MEGF11: variants seen among roughly 807,000 people sequenced by gnomAD.
MEGF11 encodes the protein multiple epidermal growth factor-like domains protein 11.
A neutral mutation model predicts 146.6 loss-of-function variants in MEGF11; 126 were observed. The ratio of observed to expected loss-of-function variants is 0.86; its 90% CI spans 0.74 to 1.00. The LOEUF (loss-of-function observed/expected upper bound fraction) is 1.00. MEGF11 is among the 50% of genes least tolerant of loss of function. The pLI, the probability that MEGF11 is intolerant of heterozygous loss-of-function variation, is 0.00. For synonymous variants in MEGF11, 532 were observed against 583.4 expected (o/e 0.91, Z 1.27); for missense variants, 1,509 against 1,521.2 (o/e 0.99, Z 0.13).
rs1567261088 is a variant in MEGF11 at position 66,141,236 on chromosome 15, GTGTGTGTGT to G, written c.-8-12834_-8-12826del. On this transcript the variant is annotated intron_variant, in intron 1 of 25. Transcript: ENST00000395614. ...GTCTCTGTCCTGCAGACTCAGGGGT[GTGTGTGTGT>G]GTGTGTGTGTGTGTGTGTGTGTGTG... Among the ~76,000 whole-genome samples the G allele has an allele frequency of 3.0e-3, 176 of 58,312 alleles. 7 individuals carry two copies. Among genetic ancestry groups the G allele is most frequent in the Middle Eastern group, 7.2e-3 (1 of 138 alleles). 38.3% of individuals were successfully genotyped at this position (58,312 alleles called of 152,430 possible).
At chr15:66,220,789 G>A (rs536632485) in intron 1 of MEGF11, among the ~76,000 whole-genome samples, 6 of 151,958 alleles carry the variant, frequency 3.9e-5, no homozygotes, top group South Asian at 4.2e-4. Flanking sequence ...CTCCTGCTTC[G>A]GCCTCCCAAA....
intron 4 of MEGF11, among the ~76,000 whole-genome samples, chr15:66,113,834 T>C (rs1203413450): frequency 1.3e-5 from 2 of 151,910 alleles, no homozygotes; most frequent in Non-Finnish European, 2.9e-5. Flanking sequence ...TGAGCCGAGA[T>C]TGCACCACTG....
chr15:66,092,472 G>C (rs545085512), intron 5 of MEGF11, among the ~76,000 whole-genome samples: 2 of 152,302 alleles, frequency 1.3e-5, no homozygotes, highest in African/African-American at 4.8e-5. Context: ...TTAGCACCAA[G>C]TCTGGTGACT....
intron 1 of MEGF11, among the ~76,000 whole-genome samples, chr15:66,194,771 C>T (rs896360046): frequency 2.0e-5 from 3 of 152,106 alleles, no homozygotes; most frequent in Non-Finnish European, 4.4e-5. Context: ...CACTAAAGAA[C>T]TTATCCATGT....
chr15:66,073,992 T>G (rs2085474544), intron 5 of MEGF11, among the ~76,000 whole-genome samples: 1 of 152,228 alleles, frequency 6.6e-6, no homozygotes, highest in African/African-American at 2.4e-5. Flanking sequence ...TTAAATAAAA[T>G]TAAAACAACC....
At chr15:65,915,334 C>G (rs1251983451) in intron 19 of MEGF11, 136 bp downstream of exon 19, 38 of 1,202,532 alleles carry the variant, frequency 3.2e-5, no homozygotes, top group Non-Finnish European at 4.3e-5. Flanking sequence ...CCTCTGCAGC[C>G]CACCCTATTC....
chr15:66,000,540 A>AAC (rs897536669), intron 5 of MEGF11, among the ~76,000 whole-genome samples: 2 of 151,874 alleles, frequency 1.3e-5, no homozygotes, highest in African/African-American at 4.8e-5. Flanking sequence ...CTTTGAAAAA[A>AAC]AAAAAGCAAA....
intron 8 of MEGF11, among the ~76,000 whole-genome samples, chr15:65,969,230 G>A (rs577441488): frequency 2.0e-4 from 30 of 152,324 alleles, no homozygotes; most frequent in Admixed American, 3.9e-4. Context: ...CCCTGGGCCT[G>A]CTCATTTCCA....
chr15:66,117,207 A>G (rs999493912), intron 4 of MEGF11, among the ~76,000 whole-genome samples: 2 of 152,186 alleles, frequency 1.3e-5, no homozygotes, highest in East Asian at 3.9e-4. Context: ...GATCAAACCC[A>G]GACCCCTGTG....
chr15:66,207,494 T>C (rs562803567), intron 1 of MEGF11, among the ~76,000 whole-genome samples: 168 of 152,244 alleles, frequency 1.1e-3, no homozygotes, highest in African/African-American at 3.9e-3. Context: ...ACATTCTGGA[T>C]AAACAAAAAC....
At chr15:66,047,346 T>C (rs1450504385) in intron 5 of MEGF11, among the ~76,000 whole-genome samples, 3 of 152,170 alleles carry the variant, frequency 2.0e-5, no homozygotes, top group Non-Finnish European at 4.4e-5. Flanking sequence ...TTACTGAACA[T>C]CTCTAAGCCT....
At position 65,917,991 on chromosome 15, in the gene MEGF11, T is replaced by G; in HGVS notation, c.2061A>C (p.Gly687=). The change falls in exon 16 of 26, where the codon GGA becomes GGC. Residue 687 remains glycine (G), a synonymous_variant. Coordinates refer to ENST00000395614, the MANE Select transcript of MEGF11 (RefSeq NM_001385028.1). ...PIDGSCQCFP[G]WIGKDCSQAC... ...CCTGTGAGCAGTCCTTGCCAATCCA[T>G]CCAGGAAAGCACTGGCAGGAGCCAT... The G allele has an allele frequency of 6.2e-7, 1 of 1,613,996 alleles. No individual in the cohort carries two copies. The highest frequency in any genetic ancestry group is 8.5e-7 in the Non-Finnish European group (1 of 1,179,888).
At chr15:66,146,718 C>T (rs952041474) in intron 1 of MEGF11, among the ~76,000 whole-genome samples, 3 of 152,244 alleles carry the variant, frequency 2.0e-5, no homozygotes, top group African/African-American at 7.2e-5. Context: ...CTGTGGACAG[C>T]GGCCTGTGCG....
chr15:66,253,297 G>T (rs1056884399), intron 1 of MEGF11, among the ~76,000 whole-genome samples: 2 of 152,188 alleles, frequency 1.3e-5, no homozygotes, highest in African/African-American at 4.8e-5. Context: ...TCCCCCGCAC[G>T]TGGAGGCGCC....
chr15:66,012,398 G>A (rs916766447), intron 5 of MEGF11, among the ~76,000 whole-genome samples: 12 of 152,158 alleles, frequency 7.9e-5, no homozygotes, highest in African/African-American at 2.9e-4. Flanking sequence ...CTTGTGGTGT[G>A]GGGGAGTCTG....
intron 2 of MEGF11, among the ~76,000 whole-genome samples, chr15:66,125,648 A>G (rs1195216605): frequency 6.6e-6 from 1 of 152,248 alleles, no homozygotes; most frequent in Non-Finnish European, 1.5e-5. Flanking sequence ...GTGGGAAAAT[A>G]AAACGAGATA....
At position 66,007,237 on chromosome 15, in the gene MEGF11, G is replaced by T. The variant is rs180794740; in HGVS notation, c.395-24749C>A. The stretch of plus-strand genomic sequence containing the variant: ...TTTACATGCATCACTAGCAGCATGA[G>T]GCTTATGCAATGTTTAGCCTTAAGC... On this transcript the variant is annotated intron_variant, in intron 5 of 25. Coordinates refer to ENST00000395614, the MANE Select transcript of MEGF11 (RefSeq NM_001385028.1). 8.5e-5 allele frequency among the ~76,000 whole-genome samples: 13 copies of T among 152,330 alleles called. No homozygotes were observed. The East Asian group carries it at 2.5e-3, about 29-fold the overall frequency.
At chr15:66,235,889 T>C (rs1451280314) in intron 1 of MEGF11, among the ~76,000 whole-genome samples, 4 of 152,186 alleles carry the variant, frequency 2.6e-5, no homozygotes, top group Non-Finnish European at 5.9e-5. Context: ...ACAACAAATC[T>C]TTAACCCTAC....
chr15:65,931,074 C>G, intron 10 of MEGF11, 131 bp from the exon 11 acceptor site: 3 of 1,142,090 alleles, frequency 2.6e-6, no homozygotes, highest in Non-Finnish European at 3.5e-6. Flanking sequence ...AATATGTTAC[C>G]TTACATGGCA....
Sources: allele counts gnomAD v4.1 joint callset (sites outside exome capture counted in the v4.1 genomes callset), GRCh38; gene constraint gnomAD v4.1.1; transcripts MANE v1.5; gene names NCBI Gene and HGNC (gene_info 2026-07-23, HGNC 2026-07-21).